The following C5AR2 variants were observed in gnomAD, a reference collection of about 807,000 sequenced individuals.
C5AR2 encodes the protein complement C5a receptor 2, also known as C5a anaphylatoxin chemotactic receptor 2.
For synonymous variants in C5AR2, 224 were observed against 216.5 expected, an observed-to-expected ratio of 1.03 and a Z score of -0.30; for missense variants, 458 against 467.5, an observed-to-expected ratio of 0.98 and a Z score of 0.19.
chr19:47,332,325 C>T lies in C5AR2; in HGVS notation c.-40C>T, dbSNP rs1052895402. ...GGGCTCCCAAGTGGCGTTTGACTCACGTGGGGACACTCTTGGAAGAGACGG... is the reference window on the plus strand; with the variant it reads ...GGGCTCCCAAGTGGCGTTTGACTCATGTGGGGACACTCTTGGAAGAGACGG... On this transcript the variant is annotated 5_prime_UTR_variant, in exon 1 of 2. In the 5' UTR this introduces an upstream ATG that the reference lacks. Coordinates refer to ENST00000595464, the MANE Select transcript of C5AR2 (RefSeq NM_001271749.2). 7 of 152,058 alleles carry T rather than the reference C, an allele frequency of 4.6e-5. No homozygotes were observed. The highest frequency in any genetic ancestry group is 1.2e-4 in the African/African-American group (5 of 41,388). 9.4% of individuals were successfully genotyped at this position (152,058 alleles called of 1,614,324 possible).
At position 47,341,128 on chromosome 19, in the gene C5AR2, T is replaced by C; in HGVS notation, c.329T>C (p.Leu110Pro). The change falls in exon 2 of 2, where the codon CTG becomes CCG. Residue 110 changes from leucine (L) to proline (P), a missense_variant. Leu to Pro is a moderately conservative substitution (Grantham distance 98). Transcript: ENST00000595464. This position sits in a 1 kb window ranked among gnomAD's most constrained non-coding sequence, Gnocchi z 4.6. ...WPYGAVGCRA[L>P]PSIILLTMYA... Reference sequence around the variant, plus strand: ...TATGGTGCAGTGGGCTGTCGGGCGCTGCCCTCCATCATCCTGCTGACCATG... The same window carrying C: ...TATGGTGCAGTGGGCTGTCGGGCGCCGCCCTCCATCATCCTGCTGACCATG... 5 of 1,602,548 alleles carry C rather than the reference T, an allele frequency of 3.1e-6. No homozygotes were observed. Among genetic ancestry groups the C allele is most frequent in the Non-Finnish European group, 4.2e-6 (5 of 1,179,898 alleles).
rs140624718 is a variant in C5AR2, at chr19:47,341,410, G to C, written c.611G>C (p.Arg204Pro). The C allele has an allele frequency of 1.2e-6, 2 of 1,612,464 alleles. No individual in the cohort carries two copies. Among genetic ancestry groups the C allele is most frequent in the African/African-American group, 2.7e-5 (2 of 74,898 alleles). Reference protein sequence around the residue: ...SSTENAVTAIRFLFGFLGPLV... With the variant: ...SSTENAVTAIPFLFGFLGPLV... ...ACCGAGAATGCGGTGACTGCCATCC[G>C]GTTTCTTTTTGGCTTCCTGGGGCCC... The change falls in exon 2 of 2, where the codon CGG becomes CCG. Residue 204 changes from arginine (R) to proline (P), a missense_variant. By Grantham distance (103) the Arg-to-Pro change is moderately radical. Transcript: ENST00000595464. The surrounding 1 kb of genome is among the most constrained non-coding windows in gnomAD (Gnocchi z 4.6).
At chr19:47,338,656 A>AAGTAATAAT (rs2059368885) in intron 1 of C5AR2, among the ~76,000 whole-genome samples, 1 of 131,694 alleles carries the variant, frequency 7.6e-6, no homozygotes, top group Non-Finnish European at 1.6e-5. Flanking sequence ...ATGACCTCCA[A>AAGTAATAAT]AATAATAATA....
At position 47,335,791 on chromosome 19, in the gene C5AR2, AAAAAAAAAAAAG is replaced by A. The variant is rs1441668567; in HGVS notation, c.-16+3446_-16+3457del. Among the ~76,000 whole-genome samples, 27 of 136,832 alleles carry A rather than the reference AAAAAAAAAAAAG, an allele frequency of 2.0e-4. 2 individuals are homozygous for A. The highest frequency in any genetic ancestry group is 1.0e-3 in the East Asian group (5 of 4,948). The allele number at this position is 136,832 out of a possible 152,430, so 89.8% of individuals were successfully genotyped here. A position where few individuals can be genotyped will look rare whatever the true frequency, so the allele number is the denominator to read the frequency against. On this transcript the variant is annotated intron_variant, in intron 1 of 1. Transcript: ENST00000595464. ...CGTCTCAAAAAAAAAAAAAAAAAAAAAAAAAAAAAAAGAAAGTTTTCGTTTTCTGGATTGTAA... is the reference window on the plus strand; with the variant it reads ...CGTCTCAAAAAAAAAAAAAAAAAAAAAAAGTTTTCGTTTTCTGGATTGTAA...
rs185506843 is a variant in C5AR2 at position 47,345,192 on chromosome 19, C to G, written c.*3379C>G. ...GGTTCACATGCCTCTGACATTTCCC[C>G]GCTCCCTTTTATAAGAGAACCTTTA... is the stretch of plus-strand genomic sequence containing the variant. On this transcript the variant is annotated 3_prime_UTR_variant, in exon 2 of 2. Transcript: ENST00000595464. 6.6e-6 allele frequency: 1 copy of G among 152,414 alleles called. No homozygotes were observed. Among genetic ancestry groups the G allele is most frequent in the Middle Eastern group, 3.4e-3 (1 of 296 alleles). The allele number at this position is 152,414 out of a possible 1,614,324, so 9.4% of individuals were successfully genotyped here.
rs1300534896 is a variant in C5AR2, at chr19:47,341,561, G to A, written c.762G>A (p.Leu254=). The A allele has an allele frequency of 6.2e-7, 1 of 1,613,468 alleles. No individual in the cohort carries two copies. ...VCWAPYHLLG[L]VLTVAAPNSA... ...GGGCACCCTACCACCTGCTGGGGCT[G>A]GTGCTCACTGTGGCGGCCCCGAACT... Residue 254 remains leucine, a synonymous_variant, in exon 2 of 2, where the codon CTG becomes CTA. Coordinates refer to ENST00000595464, the MANE Select transcript of C5AR2 (RefSeq NM_001271749.2). The surrounding 1 kb of genome is among the most constrained non-coding windows in gnomAD (Gnocchi z 4.6).
In C5AR2 at chr19:47,341,700, C is replaced by T. The variant is rs148463474; in HGVS notation, c.901C>T (p.Arg301Trp). Reference sequence around the variant, plus strand: ...GTATTTTGGGAGGGCTCAACTCCGCCGGTCACTGCCAGCTGCCTGTCACTG... The same window carrying T: ...GTATTTTGGGAGGGCTCAACTCCGCTGGTCACTGCCAGCTGCCTGTCACTG... ...FLYFGRAQLRRSLPAACHWAL... is the reference protein window; with the variant it reads ...FLYFGRAQLRWSLPAACHWAL... The change falls in exon 2 of 2, where the codon CGG becomes TGG. Residue 301 changes from arginine (R) to tryptophan (W), a missense_variant. Arg to Trp is a moderately radical substitution (Grantham distance 101). Transcript: ENST00000595464. The surrounding 1 kb of genome is among the most constrained non-coding windows in gnomAD (Gnocchi z 4.6). 1.3e-5 allele frequency: 21 copies of T among 1,613,922 alleles called. No individual in the cohort carries two copies. The highest frequency in any genetic ancestry group is 4.0e-5 in the African/African-American group (3 of 74,936).
intron 1 of C5AR2, among the ~76,000 whole-genome samples, chr19:47,332,711 T>C (rs1308806135): frequency 6.6e-6 from 1 of 151,982 alleles, no homozygotes; most frequent in Non-Finnish European, 1.5e-5. Flanking sequence ...CATGCCACCA[T>C]GCCTGGCTAA....
rs991010615 is a variant in C5AR2, at chr19:47,340,892, C to T, written c.93C>T (p.Ile31=). 11 of 1,613,268 alleles carry T rather than the reference C, an allele frequency of 6.8e-6. No homozygotes were observed. Among genetic ancestry groups the T allele is most frequent in the Admixed American group, 3.3e-5 (2 of 60,022 alleles). The part of the protein sequence containing the change: ...VDCLDGACLA[I]DPLRVAPLPL... ...GCCTGGATGGCGCCTGCCTGGCCAT[C>T]GACCCGCTGCGCGTGGCCCCGCTCC... The change falls in exon 2 of 2, where the codon ATC becomes ATT. Residue 31 remains isoleucine (I), a synonymous_variant. Transcript: ENST00000595464.
chr19:47,340,643 C>T, intron 1 of C5AR2, 142 bp from the exon 2 acceptor site: 1 of 762,156 alleles, frequency 1.3e-6, no homozygotes, highest in South Asian at 1.6e-5. Flanking sequence ...CCTAGAATTC[C>T]AATATTCTAA....
At chr19:47,340,146 G>A (rs2059376754) in intron 1 of C5AR2, among the ~76,000 whole-genome samples, 1 of 151,636 alleles carries the variant, frequency 6.6e-6, no homozygotes. Context: ...TCGTAGAGAT[G>A]GGGTCTCCCT....
At chr19:47,335,506 C>A (rs898119144) in intron 1 of C5AR2, among the ~76,000 whole-genome samples, 37 of 151,846 alleles carry the variant, frequency 2.4e-4, no homozygotes, top group Admixed American at 6.6e-5. Flanking sequence ...GGCATGTTGA[C>A]TCACGCCTGT....
At chr19:47,339,668 C>A (rs1039165866) in intron 1 of C5AR2, among the ~76,000 whole-genome samples, 4 of 152,142 alleles carry the variant, frequency 2.6e-5, no homozygotes, top group Non-Finnish European at 5.9e-5. Flanking sequence ...AGATTCCACT[C>A]CAGCCACACT....
At chr19:47,337,304 A>G (rs4482395) in intron 1 of C5AR2, 150,697 of 152,354 alleles carry the variant, frequency 0.99, 74,542 homozygotes, top group East Asian at 1. Context: ...TCCAGAGCCC[A>G]AGATTTGGAG....
Position 47,337,947 on chromosome 19 carries a change from G to A in C5AR2, c.-15-2838G>A, listed in dbSNP as rs558818273. On this transcript the variant is annotated intron_variant, in intron 1 of 1. Transcript: ENST00000595464. ...ATTAGCCCCGGGCATGGTGGTGCAC[G>A]CCTGTAATCCCAGCTACTCGGGAGG... Among the ~76,000 whole-genome samples the A allele has an allele frequency of 1.3e-4, 19 of 151,562 alleles. 2 individuals are homozygous for A. The South Asian group carries it at 2.9e-3, about 23-fold the overall frequency.
chr19:47,343,326 C>T lies in C5AR2; in HGVS notation c.*1513C>T, dbSNP rs1161792814. Reference sequence around the variant, plus strand: ...TGATCCGCAGACCTTTAAGAAAATACATTTGTATTGTTTTAAGTCACTATG... The same window carrying T: ...TGATCCGCAGACCTTTAAGAAAATATATTTGTATTGTTTTAAGTCACTATG... On this transcript the variant is annotated 3_prime_UTR_variant, in exon 2 of 2. Transcript: ENST00000595464. 6.6e-6 allele frequency: 1 copy of T among 152,198 alleles called. No individual in the cohort carries two copies. Among genetic ancestry groups the T allele is most frequent in the Non-Finnish European group, 1.5e-5 (1 of 68,046 alleles). 9.4% of individuals were successfully genotyped at this position (152,198 alleles called of 1,614,324 possible).
chr19:47,340,039 C>G (rs1433118801), intron 1 of C5AR2, among the ~76,000 whole-genome samples: 1 of 151,400 alleles, frequency 6.6e-6, no homozygotes, highest in Non-Finnish European at 1.5e-5. Flanking sequence ...CAAGCTCACT[C>G]AATCTCCTGG....
At position 47,341,533 on chromosome 19, in the gene C5AR2, G is replaced by T. The variant is rs374524746; in HGVS notation, c.734G>T (p.Cys245Phe). ...GCCATTGTGGTGGGGTTTTTTGTCT[G>T]CTGGGCACCCTACCACCTGCTGGGG... ...GTAIVVGFFV[C>F]WAPYHLLGLV... The change falls in exon 2 of 2, where the codon TGC becomes TTC. Residue 245 changes from cysteine (C) to phenylalanine (F), a missense_variant. Transcript: ENST00000595464. This position sits in a 1 kb window ranked among gnomAD's most constrained non-coding sequence, Gnocchi z 4.6. 8 of 1,612,362 alleles carry T rather than the reference G, an allele frequency of 5.0e-6. No homozygotes were observed. In the African/African-American group the frequency reaches 8.0e-5, roughly 16 times the overall value.
chr19:47,339,933 G>A (rs2059375586), intron 1 of C5AR2, among the ~76,000 whole-genome samples: 1 of 151,830 alleles, frequency 6.6e-6, no homozygotes, highest in Non-Finnish European at 1.5e-5. Context: ...TGTGGATTTT[G>A]GATTTTGCTC....
Sources: allele counts gnomAD v4.1 joint callset (sites outside exome capture counted in the v4.1 genomes callset), GRCh38; gene constraint gnomAD v4.1.1; non-coding constraint Gnocchi (gnomAD v3.1); transcripts MANE v1.5; gene names NCBI Gene and HGNC (gene_info 2026-07-23, HGNC 2026-07-21).